POLK: variants seen among roughly 807,000 people sequenced by gnomAD.
POLK encodes polymerase (DNA directed) kappa.
Under a neutral mutation model 94.0 loss-of-function variants are expected in POLK, and 76 were observed. That is an observed-to-expected ratio of 0.81 (90% confidence interval 0.67 to 0.98). POLK has a LOEUF of 0.98. POLK is among the 50% of genes least tolerant of loss of function. POLK has a pLI of 0.00. For synonymous variants in POLK, 349 were observed against 325.4 expected (o/e 1.07, Z -0.78); for missense variants, 954 against 1,010.1 (o/e 0.94, Z 0.75).
intron 9 of POLK, among the ~76,000 whole-genome samples, chr5:75,585,439 C>G (rs1055716793): frequency 6.6e-6 from 1 of 152,106 alleles, no homozygotes; most frequent in African/African-American, 2.4e-5. Flanking sequence ...AGTTTACAGA[C>G]TAGTGTGAGA....
intron 5 of POLK, among the ~76,000 whole-genome samples, chr5:75,575,806 C>CT (rs1347165657): frequency 6.6e-6 from 1 of 152,054 alleles, no homozygotes; most frequent in African/African-American, 2.4e-5. Flanking sequence ...TTATATTAAG[C>CT]TAAAAACCTT....
intron 1 of POLK, among the ~76,000 whole-genome samples, chr5:75,524,993 A>G (rs1317570707): frequency 6.6e-6 from 1 of 152,256 alleles, no homozygotes; most frequent in African/African-American, 2.4e-5. Context: ...CTCTCTCCTT[A>G]CCAGACATAG....
exon 5 of POLK, chr5:75,573,783 A>G (rs1771725267): frequency 6.2e-7 from 1 of 1,613,026 alleles, no homozygotes; most frequent in Non-Finnish European, 8.5e-7. Flanking sequence ...TCGTGCAGCC[A>G]TGCCAGGATT....
chr5:75,599,630 C>T (rs1399246193), exon 15 of POLK: 5 of 152,078 alleles, frequency 3.3e-5, no homozygotes, highest in African/African-American at 1.2e-4. Flanking sequence ...CAATGAAACA[C>T]TGATTTAATG....
rs912357615 is a variant in POLK at position 75,527,514 on chromosome 5, C to T, written c.-14+15600C>T. ...AAAAATTTATATATACACACACACA[C>T]ACACACACACACACACACACACACA... On this transcript the variant is annotated intron_variant, in intron 1 of 14. Transcript: ENST00000241436. Among the ~76,000 whole-genome samples, 1,326 of 148,420 alleles carry T rather than the reference C, an allele frequency of 8.9e-3. 27 individuals carry two copies. Among genetic ancestry groups the T allele is most frequent in the African/African-American group, 0.032 (1,277 of 40,522 alleles).
At chr5:75,554,456 T>A (rs774395062) in intron 3 of POLK, among the ~76,000 whole-genome samples, 54 of 152,128 alleles carry the variant, frequency 3.5e-4, no homozygotes, top group Non-Finnish European at 6.3e-4. Context: ...GTGACTTTTT[T>A]AAAAAAAGAT....
At chr5:75,515,524 G>T (rs1054469060) in intron 1 of POLK, among the ~76,000 whole-genome samples, 1 of 152,100 alleles carries the variant, frequency 6.6e-6, no homozygotes, top group Non-Finnish European at 1.5e-5. Context: ...ATCCATTGAT[G>T]GTTGATTCCA....
intron 1 of POLK, among the ~76,000 whole-genome samples, chr5:75,531,428 C>T (rs1380087921): frequency 6.7e-6 from 1 of 148,728 alleles, no homozygotes; most frequent in Non-Finnish European, 1.5e-5. Context: ...CTATTTACAC[C>T]AGTATATAGC....
chr5:75,560,721 A>G (rs1437194242), intron 3 of POLK, among the ~76,000 whole-genome samples: 2 of 152,040 alleles, frequency 1.3e-5, no homozygotes, highest in Non-Finnish European at 2.9e-5. Flanking sequence ...CCCTGTGCCC[A>G]TATGGTCTCA....
intron 5 of POLK, among the ~76,000 whole-genome samples, chr5:75,576,400 T>C (rs888613114): frequency 5.3e-5 from 8 of 152,148 alleles, no homozygotes; most frequent in Non-Finnish European, 1.0e-4. Context: ...CAGGAGGGAA[T>C]AGAATCCTAT....
At chr5:75,581,126 T>G in intron 6 of POLK, 83 bp from the exon 7 acceptor site, 5 of 973,026 alleles carry the variant, frequency 5.1e-6, no homozygotes, top group Non-Finnish European at 7.7e-6. Flanking sequence ...GTTTTTGTCT[T>G]CAGAAATAAT....
chr5:75,551,452 AT>A (rs1303851542), intron 2 of POLK, among the ~76,000 whole-genome samples: 1 of 152,146 alleles, frequency 6.6e-6, no homozygotes, highest in Non-Finnish European at 1.5e-5. Context: ...TGGGTAAAAT[AT>A]TTGTAAAACA....
Position 75,527,502 on chromosome 5 carries a change from T to TATACACAC in POLK, c.-14+15589_-14+15590insTACACACA, listed in dbSNP as rs555220325. 9.7e-3 allele frequency among the ~76,000 whole-genome samples: 1,288 copies of TATACACAC among 132,968 alleles called. 13 individuals are homozygous for TATACACAC. Among genetic ancestry groups the TATACACAC allele is most frequent in the Middle Eastern group, 0.024 (6 of 248 alleles). 87.2% of individuals were successfully genotyped at this position (132,968 alleles called of 152,430 possible). On this transcript the variant is annotated intron_variant, in intron 1 of 14. Transcript: ENST00000241436. ...CTCAAAAAAAAAAAAAATTTATATA[T>TATACACAC]ACACACACACACACACACACACACA...
rs1769717250 is a variant in POLK, at chr5:75,541,134, T to C, written c.-13-5876T>C. 2.0e-5 allele frequency among the ~76,000 whole-genome samples: 3 copies of C among 151,956 alleles called. No homozygotes were observed. In the South Asian group the frequency reaches 6.2e-4, roughly 32 times the overall value. On this transcript the variant is annotated intron_variant, in intron 1 of 14. Coordinates refer to ENST00000241436, the Ensembl canonical transcript of POLK. Reference sequence around the variant, plus strand: ...CCCCGTCTCTACAAAAAATACAAAATTAGCCAGGCGTGGTGGTGCATGCCT... The same window carrying C: ...CCCCGTCTCTACAAAAAATACAAAACTAGCCAGGCGTGGTGGTGCATGCCT...
intron 1 of POLK, among the ~76,000 whole-genome samples, chr5:75,544,817 CAG>C (rs929362940): frequency 1.4e-4 from 22 of 152,234 alleles, no homozygotes; most frequent in African/African-American, 5.1e-4. Context: ...TAGACAATGA[CAG>C]GTAATTGGAT....
chr5:75,540,693 T>C (rs1769694787), intron 1 of POLK, among the ~76,000 whole-genome samples: 1 of 152,208 alleles, frequency 6.6e-6, no homozygotes, highest in African/African-American at 2.4e-5. Context: ...TCTCGTTTTC[T>C]AAGGACATTA....
intron 8 of POLK, among the ~76,000 whole-genome samples, chr5:75,583,997 C>A (rs1772332992): frequency 6.6e-6 from 1 of 152,086 alleles, no homozygotes; most frequent in South Asian, 2.1e-4. Context: ...ACATAATGTA[C>A]ATGAATGAAT....
At chr5:75,564,645 A>C (rs542013681) in intron 3 of POLK, among the ~76,000 whole-genome samples, 11 of 152,298 alleles carry the variant, frequency 7.2e-5, no homozygotes, top group Admixed American at 3.9e-4. Flanking sequence ...TCCTTCACTT[A>C]TGAAGCTTAA....
intron 1 of POLK, among the ~76,000 whole-genome samples, chr5:75,529,964 A>G (rs1024851345): frequency 6.6e-6 from 1 of 152,184 alleles, no homozygotes; most frequent in Non-Finnish European, 1.5e-5. Context: ...TCAAATTCAC[A>G]TGAAATGGCT....
Sources: allele counts gnomAD v4.1 joint callset (sites outside exome capture counted in the v4.1 genomes callset), GRCh38; gene constraint gnomAD v4.1.1; transcripts MANE v1.5; gene names NCBI Gene and HGNC (gene_info 2026-07-23, HGNC 2026-07-21).